The following ARMH4 variants were observed in gnomAD, a reference collection of about 807,000 sequenced individuals.
ARMH4 encodes the protein armadillo like helical domain containing 4.
ARMH4 carries 49 observed loss-of-function variants against 61.9 expected under a neutral mutation model. That is an observed-to-expected ratio of 0.79 (90% CI 0.63 to 1.00). The LOEUF is 1.00. Among genes scored for constraint, ARMH4 ranks in the 50% least tolerant of loss-of-function variants. ARMH4 has a pLI of 0.00. For missense variants in ARMH4, 934 were observed against 930.0 expected (o/e 1.00, Z -0.06); for synonymous variants, 368 against 341.5 (o/e 1.08, Z -0.85).
Position 58,072,949 on chromosome 14 carries a change from T to C in ARMH4, c.2089+23775A>G, listed in dbSNP as rs1884932502. 2.6e-5 allele frequency among the ~76,000 whole-genome samples: 4 copies of C among 152,194 alleles called. No homozygotes were observed. In the South Asian group the frequency reaches 8.3e-4, roughly 32 times the overall value. On this transcript the variant is annotated intron_variant, in intron 5 of 7. Transcript: ENST00000267485. ...TACTTCTGTGTATATTTCATTAACA[T>C]ATCACAGTAAATTAGGGACAGAGCC...
At chr14:58,087,240 TC>T (rs1885413042) in intron 5 of ARMH4, among the ~76,000 whole-genome samples, 1 of 152,204 alleles carries the variant, frequency 6.6e-6, no homozygotes, top group Non-Finnish European at 1.5e-5. Context: ...GCTTGACAGT[TC>T]ATTTAGGAGA....
intron 5 of ARMH4, among the ~76,000 whole-genome samples, chr14:58,032,869 G>A (rs1479755472): frequency 6.6e-6 from 1 of 152,132 alleles, no homozygotes; most frequent in Non-Finnish European, 1.5e-5. Context: ...CGCACCACGA[G>A]ACTATATACC....
intron 2 of ARMH4, among the ~76,000 whole-genome samples, chr14:58,136,447 T>C (rs544223752): frequency 2.0e-5 from 3 of 152,282 alleles, no homozygotes; most frequent in African/African-American, 7.2e-5. Context: ...CCCAACTCCA[T>C]GTAAAAACCA....
chr14:58,034,050 G>C (rs1258060441), intron 5 of ARMH4, among the ~76,000 whole-genome samples: 1 of 122,966 alleles, frequency 8.1e-6, no homozygotes, highest in African/African-American at 3.0e-5. Context: ...GAAATACAGA[G>C]AACGCCACAA....
In ARMH4 at chr14:58,141,690, G is replaced by A. The variant is rs112240355; in HGVS notation, c.-56-2276C>T. ...AAGGCTCTTCCTTCCTTGAAGGGCAGCAGCCTTCTGCCCAGGCCCCATGGC... is the reference window on the plus strand; with the variant it reads ...AAGGCTCTTCCTTCCTTGAAGGGCAACAGCCTTCTGCCCAGGCCCCATGGC... On this transcript the variant is annotated intron_variant, in intron 1 of 7. Coordinates refer to ENST00000267485, the MANE Select transcript of ARMH4 (RefSeq NM_001001872.4). 3.8e-3 allele frequency: 1,279 copies of A among 334,066 alleles called. 25 individuals carry two copies. The highest frequency in any genetic ancestry group is 0.025 in the African/African-American group (1,162 of 45,888). The allele number at this position is 334,066 out of a possible 1,614,324, so 20.7% of individuals were successfully genotyped here. A position where few individuals can be genotyped will look rare whatever the true frequency, so the allele number is the denominator to read the frequency against.
intron 5 of ARMH4, 139 bp from the exon 6 acceptor site, chr14:58,012,289 T>C: frequency 6.3e-6 from 3 of 479,350 alleles, no homozygotes; most frequent in Admixed American, 4.3e-5. Flanking sequence ...ATGACGATAA[T>C]GGCCTTATTT....
At chr14:58,076,927 C>T (rs1242016064) in intron 5 of ARMH4, among the ~76,000 whole-genome samples, 2 of 152,206 alleles carry the variant, frequency 1.3e-5, no homozygotes, top group Non-Finnish European at 2.9e-5. Context: ...ATCGGGGCCA[C>T]TAGACTTAGC....
chr14:58,091,088 TGTAATCCCAGCTACTGG>T (rs1221522297), intron 5 of ARMH4, among the ~76,000 whole-genome samples: 3 of 151,574 alleles, frequency 2.0e-5, no homozygotes, highest in African/African-American at 7.3e-5. Flanking sequence ...GGTGCATGCC[TGTAATCCCAGCTACTGG>T]GGAGGCTGAG....
chr14:58,039,437 T>C (rs942977896), intron 5 of ARMH4, among the ~76,000 whole-genome samples: 1 of 152,228 alleles, frequency 6.6e-6, no homozygotes, highest in Non-Finnish European at 1.5e-5. Flanking sequence ...ATTCTGAAGA[T>C]ATTTGAACAC....
intron 5 of ARMH4, among the ~76,000 whole-genome samples, chr14:58,067,308 G>T (rs1884735476): frequency 6.6e-6 from 1 of 152,146 alleles, no homozygotes; most frequent in Non-Finnish European, 1.5e-5. Flanking sequence ...TAGAACCAAG[G>T]AGACACATGT....
chr14:58,010,239 GATATATGTATATATAT>G (rs1882353103), intron 6 of ARMH4, among the ~76,000 whole-genome samples: 1 of 110,632 alleles, frequency 9.0e-6, no homozygotes, highest in East Asian at 3.2e-4. Context: ...GAGTGAGGAA[GATATATGTATATATAT>G]ATATGTGTGT....
chr14:58,137,053 A>G (rs957310873), intron 2 of ARMH4, among the ~76,000 whole-genome samples: 1 of 152,226 alleles, frequency 6.6e-6, no homozygotes, highest in African/African-American at 2.4e-5. Context: ...ATCCAACATT[A>G]TTACAGTTTA....
intron 5 of ARMH4, among the ~76,000 whole-genome samples, chr14:58,070,885 G>T (rs900728092): frequency 6.6e-6 from 1 of 151,936 alleles, no homozygotes; most frequent in Non-Finnish European, 1.5e-5. Context: ...CCAGCCTCTG[G>T]TAATGATCCT....
intron 5 of ARMH4, among the ~76,000 whole-genome samples, chr14:58,055,773 C>T (rs1187300887): frequency 6.6e-6 from 1 of 152,196 alleles, no homozygotes; most frequent in Non-Finnish European, 1.5e-5. Flanking sequence ...TTATTTGGTA[C>T]TTAGTCACTC....
At chr14:58,120,026 C>T (rs966192583) in intron 4 of ARMH4, among the ~76,000 whole-genome samples, 39 of 152,026 alleles carry the variant, frequency 2.6e-4, no homozygotes, top group African/African-American at 7.7e-4. Flanking sequence ...TGTCATTAGG[C>T]GATTTCGTCA....
intron 5 of ARMH4, among the ~76,000 whole-genome samples, chr14:58,090,197 T>C (rs1885511259): frequency 6.6e-6 from 1 of 152,162 alleles, no homozygotes; most frequent in Non-Finnish European, 1.5e-5. Flanking sequence ...ACCAATAGAT[T>C]TATCCACCTG....
Position 58,138,580 on chromosome 14 carries a change from A to G in ARMH4, c.779T>C (p.Met260Thr). The G allele has an allele frequency of 1.9e-6, 3 of 1,614,228 alleles. No individual in the cohort carries two copies. Among genetic ancestry groups the G allele is most frequent in the Non-Finnish European group, 2.5e-6 (3 of 1,180,034 alleles). The change falls in exon 2 of 8, where the codon ATG (methionine) becomes ACG (threonine). Residue 260 changes from methionine (M) to threonine (T), a missense_variant. Met to Thr is a moderately conservative substitution (Grantham distance 81). Transcript: ENST00000267485. Reference protein sequence around the residue: ...LTPDKEKPSQMTADNTQAAAT... With the variant: ...LTPDKEKPSQTTADNTQAAAT... ...AGCAGCCTGGGTGTTATCAGCTGTC[A>G]TCTGCGAAGGCTTCTCCTTATCAGG...
chr14:58,068,696 T>C (rs930261775), intron 5 of ARMH4, among the ~76,000 whole-genome samples: 4 of 152,160 alleles, frequency 2.6e-5, no homozygotes, highest in African/African-American at 9.6e-5. Flanking sequence ...AATAAAGCTA[T>C]CAACTTTTAC....
chr14:58,074,324 C>G (rs1423899079), intron 5 of ARMH4, among the ~76,000 whole-genome samples: 4 of 152,172 alleles, frequency 2.6e-5, no homozygotes, highest in Non-Finnish European at 5.9e-5. Flanking sequence ...CTAACCCACT[C>G]TTTTCCCAAT....
Sources: allele counts gnomAD v4.1 joint callset (sites outside exome capture counted in the v4.1 genomes callset), GRCh38; gene constraint gnomAD v4.1.1; transcripts MANE v1.5; gene names NCBI Gene and HGNC (gene_info 2026-07-23, HGNC 2026-07-21).